Variants in GPM6A observed in about 807,000 individuals in gnomAD.
GPM6A encodes neuronal membrane glycoprotein M6-a.
In GPM6A, 7 loss-of-function variants were observed where a neutral mutation model predicts 32.1. The ratio of observed to expected loss-of-function variants is 0.22; its 90% confidence interval spans 0.12 to 0.41. The LOEUF is 0.41. GPM6A is among the 10% of genes least tolerant of loss of function. GPM6A has a pLI of 1.00. For synonymous variants in GPM6A, 130 were observed against 123.4 expected (o/e 1.05, Z -0.35); for missense variants, 235 against 347.2 (o/e 0.68, Z 2.57).
At chr4:175,636,270 A>ATG (rs1303358023) in intron 6 of GPM6A, among the ~76,000 whole-genome samples, 1 of 60,706 alleles carries the variant, frequency 1.6e-5, no homozygotes, top group Non-Finnish European at 3.8e-5. Context: ...GTATATATAT[A>ATG]TATATATATA....
chr4:175,913,195 C>G (rs888559852), intron 1 of GPM6A, among the ~76,000 whole-genome samples: 16 of 152,176 alleles, frequency 1.1e-4, no homozygotes, highest in African/African-American at 3.6e-4. Flanking sequence ...TAATAACAAT[C>G]TGAACCTTCA....
intron 1 of GPM6A, among the ~76,000 whole-genome samples, chr4:175,880,318 C>T (rs572133020): frequency 2.0e-5 from 3 of 152,048 alleles, no homozygotes; most frequent in African/African-American, 7.2e-5. Flanking sequence ...AGTCAGGTAG[C>T]GTGATGCCTC....
At position 175,640,770 on chromosome 4, in the gene GPM6A, T is replaced by A. The variant is rs775420526; in HGVS notation, c.601A>T (p.Met201Leu). ...ICTVSENFLR[M>L]CESTELNMTF... ...ACACTCACCTCAGTAGATTCGCACA[T>A]CCTCAAGAAATTCTCAGAGACAGTA... is the stretch of plus-strand genomic sequence containing the variant. The change falls in exon 5 of 7, where the codon ATG becomes TTG. Residue 201 changes from methionine to leucine, a missense_variant. Transcript: ENST00000393658. 12 of 1,607,894 alleles carry A rather than the reference T, an allele frequency of 7.5e-6. No individual in the cohort carries two copies. The East Asian group carries it at 2.5e-4, about 33-fold the overall frequency.
At chr4:175,791,404 G>A (rs1320210000) in intron 1 of GPM6A, among the ~76,000 whole-genome samples, 3 of 152,176 alleles carry the variant, frequency 2.0e-5, no homozygotes, top group African/African-American at 7.2e-5. Flanking sequence ...TAAGGTCTCA[G>A]AGGTTAAGTG....
At chr4:175,770,950 G>GC (rs1300464660) in intron 1 of GPM6A, among the ~76,000 whole-genome samples, 2 of 152,138 alleles carry the variant, frequency 1.3e-5, no homozygotes, top group African/African-American at 4.8e-5. Flanking sequence ...GCGGCTTCCT[G>GC]CACCTTCTGA....
chr4:175,776,642 C>T (rs769252718), intron 1 of GPM6A, among the ~76,000 whole-genome samples: 32 of 152,338 alleles, frequency 2.1e-4, no homozygotes, highest in Middle Eastern at 3.4e-3. Context: ...AGAATCCCTA[C>T]TTAAATAATA....
rs116112557 is a variant in GPM6A, at chr4:175,912,930, C to T, written c.-23+89379G>A. ...TATCAATAAAATGAGAGCAAACACA[C>T]TTTTCTCTCCTTACTAAAGTACCAT... On this transcript the variant is annotated intron_variant, in intron 1 of 7. Transcript: ENST00000280187. 8.3e-3 allele frequency among the ~76,000 whole-genome samples: 1,270 copies of T among 152,222 alleles called. 15 individuals are homozygous for T. Among genetic ancestry groups the T allele is most frequent in the Non-Finnish European group, 9.9e-3 (672 of 68,002 alleles).
At chr4:175,658,603 T>C (rs1742222360) in intron 3 of GPM6A, among the ~76,000 whole-genome samples, 1 of 152,194 alleles carries the variant, frequency 6.6e-6, no homozygotes, top group African/African-American at 2.4e-5. Flanking sequence ...TCAATGTAGA[T>C]ACATCAATTG....
intron 1 of GPM6A, among the ~76,000 whole-genome samples, chr4:175,741,694 T>TTC (rs1318621029): frequency 1.7e-4 from 26 of 152,166 alleles, no homozygotes; most frequent in African/African-American, 6.3e-4. Context: ...TTCTAGAATC[T>TTC]TGCAACCCAG....
At chr4:175,899,385 G>C (rs1489867949) in intron 1 of GPM6A, among the ~76,000 whole-genome samples, 1 of 152,108 alleles carries the variant, frequency 6.6e-6, no homozygotes, top group African/African-American at 2.4e-5. Context: ...CATGATAAAT[G>C]CTAAGCATCA....
intron 1 of GPM6A, among the ~76,000 whole-genome samples, chr4:175,845,069 C>A (rs1294830535): frequency 1.3e-5 from 2 of 152,000 alleles, no homozygotes; most frequent in Non-Finnish European, 2.9e-5. Context: ...TTAATAATTC[C>A]ATTTTCTTGA....
intron 1 of GPM6A, among the ~76,000 whole-genome samples, chr4:175,874,544 A>G (rs533975120): frequency 6.6e-6 from 1 of 152,228 alleles, no homozygotes; most frequent in African/African-American, 2.4e-5. Flanking sequence ...GGTGTGGCAT[A>G]TGCTTTTGAA....
intron 1 of GPM6A, among the ~76,000 whole-genome samples, chr4:175,950,985 T>C (rs10001442): frequency 0.98 from 148,659 of 152,058 alleles, 72,762 homozygotes; most frequent in East Asian, 1. Flanking sequence ...ACTTTTTTTT[T>C]TCTCCCATGA....
intron 2 of GPM6A, among the ~76,000 whole-genome samples, chr4:175,694,590 T>C (rs1319481594): frequency 6.6e-6 from 1 of 152,160 alleles, no homozygotes; most frequent in Admixed American, 6.5e-5. Flanking sequence ...GACCTGGCTG[T>C]TTCTAACAAG....
chr4:175,851,225 CGG>C (rs1560964643), intron 1 of GPM6A, among the ~76,000 whole-genome samples: 2 of 151,318 alleles, frequency 1.3e-5, no homozygotes, highest in Non-Finnish European at 1.5e-5. Flanking sequence ...GGTGTGGTGG[CGG>C]GCACCTGTAA....
At chr4:175,693,128 A>T (rs1002941470) in intron 2 of GPM6A, among the ~76,000 whole-genome samples, 1 of 151,910 alleles carries the variant, frequency 6.6e-6, no homozygotes, top group South Asian at 2.1e-4. Flanking sequence ...GCTCGAAGAC[A>T]AGGAATTTGT....
At chr4:175,741,965 A>C (rs1283298690) in intron 1 of GPM6A, among the ~76,000 whole-genome samples, 1 of 152,130 alleles carries the variant, frequency 6.6e-6, no homozygotes, top group African/African-American at 2.4e-5. Context: ...AAGGAAGAGA[A>C]AAAATGAGAG....
chr4:175,804,821 G>GCGCCC (rs1269854189), intron 1 of GPM6A, among the ~76,000 whole-genome samples: 1 of 152,004 alleles, frequency 6.6e-6, no homozygotes, highest in Non-Finnish European at 1.5e-5. Flanking sequence ...AGAGGCGGGC[G>GCGCCC]GATCACGAGG....
At chr4:175,868,677 C>A (rs1321308903) in intron 1 of GPM6A, among the ~76,000 whole-genome samples, 4 of 152,126 alleles carry the variant, frequency 2.6e-5, no homozygotes, top group Admixed American at 2.0e-4. Flanking sequence ...CATGCAGGAA[C>A]ATGTTATGTA....
Sources: allele counts gnomAD v4.1 joint callset (sites outside exome capture counted in the v4.1 genomes callset), GRCh38; gene constraint gnomAD v4.1.1; transcripts MANE v1.5; gene names NCBI Gene and HGNC (gene_info 2026-07-23, HGNC 2026-07-21).